The following HOMER1 variants were observed in gnomAD, a reference collection of about 807,000 sequenced individuals.
The protein encoded by HOMER1 is homer protein homolog 1.
A neutral mutation model predicts 48.9 loss-of-function variants in HOMER1; 3 were observed. The observed-to-expected ratio is 0.06, with a 90% CI of 0.03 to 0.16. The LOEUF (loss-of-function observed/expected upper bound fraction) is 0.16. HOMER1 is among the 10% of genes least tolerant of loss of function. The pLI, the probability that HOMER1 is intolerant of heterozygous loss-of-function variation, is 1.00. For synonymous variants in HOMER1, 134 were observed against 146.4 expected, an observed-to-expected ratio of 0.92 and a Z score of 0.61; for missense variants, 247 against 411.4, an observed-to-expected ratio of 0.60 and a Z score of 3.46.
chr5:79,504,314 T>C (rs927326231), intron 1 of HOMER1, among the ~76,000 whole-genome samples: 1 of 151,246 alleles, frequency 6.6e-6, no homozygotes, highest in African/African-American at 2.4e-5. Flanking sequence ...GGCAGAGTGA[T>C]TAAGCAAAGC....
In HOMER1 at chr5:79,374,612, A is replaced by C. The variant is rs1399047690; in HGVS notation, c.*1397T>G. ...CAGTTACTCAAGCATACACTTTAAA[A>C]AAGAACCCTCCTCAACATCACAGGC... is the stretch of plus-strand genomic sequence containing the variant. On this transcript the variant is annotated 3_prime_UTR_variant, in exon 9 of 9. Transcript: ENST00000334082. The C allele has an allele frequency of 6.6e-6, 1 of 151,936 alleles. No individual in the cohort carries two copies. Among genetic ancestry groups the C allele is most frequent in the African/African-American group, 2.4e-5 (1 of 41,414 alleles). 9.4% of individuals were successfully genotyped at this position (151,936 alleles called of 1,614,324 possible).
At chr5:79,480,822 T>C (rs1215814186) in intron 1 of HOMER1, among the ~76,000 whole-genome samples, 1 of 152,200 alleles carries the variant, frequency 6.6e-6, no homozygotes, top group African/African-American at 2.4e-5. Flanking sequence ...GTATCTTGTG[T>C]TAGACACAAT....
At chr5:79,491,108 A>AAAAAAC (rs1752263137) in intron 1 of HOMER1, among the ~76,000 whole-genome samples, 1 of 106,476 alleles carries the variant, frequency 9.4e-6, no homozygotes, top group Non-Finnish European at 1.8e-5. Flanking sequence ...AAAAAAAAAA[A>AAAAAAC]AAGCTTGTCA....
intron 1 of HOMER1, among the ~76,000 whole-genome samples, chr5:79,459,121 T>C (rs1361581646): frequency 6.6e-6 from 1 of 151,990 alleles, no homozygotes; most frequent in Non-Finnish European, 1.5e-5. Flanking sequence ...GTTGTTTTCA[T>C]TTGGTAGGGG....
intron 5 of HOMER1, among the ~76,000 whole-genome samples, chr5:79,406,201 T>C (rs575401136): frequency 6.6e-6 from 1 of 152,328 alleles, no homozygotes; most frequent in South Asian, 2.1e-4. Context: ...TTCAAATTCA[T>C]CCTAGCATTA....
intron 5 of HOMER1, among the ~76,000 whole-genome samples, chr5:79,405,747 G>T (rs979360302): frequency 6.6e-6 from 1 of 152,160 alleles, no homozygotes; most frequent in Non-Finnish European, 1.5e-5. Context: ...TGAAATAAGT[G>T]CAAGGCTAAC....
chr5:79,437,887 C>T (rs1166036093), intron 5 of HOMER1, among the ~76,000 whole-genome samples: 6 of 152,112 alleles, frequency 3.9e-5, no homozygotes, highest in African/African-American at 1.2e-4. Context: ...GAACTCCTGT[C>T]CTCAGGTGAT....
chr5:79,457,246 T>C (rs1751199774), intron 1 of HOMER1, among the ~76,000 whole-genome samples: 1 of 152,242 alleles, frequency 6.6e-6, no homozygotes, highest in Non-Finnish European at 1.5e-5. Flanking sequence ...TGAATTCACC[T>C]ACTCACTAAA....
intron 8 of HOMER1, among the ~76,000 whole-genome samples, chr5:79,395,535 T>C (rs6892908): frequency 0.47 from 71,675 of 152,098 alleles, 19,883 homozygotes; most frequent in African/African-American, 0.77. Flanking sequence ...AAACGGCATT[T>C]AATAGGGCCA....
intron 5 of HOMER1, among the ~76,000 whole-genome samples, chr5:79,409,195 G>A (rs919281388): frequency 1.3e-5 from 2 of 151,958 alleles, no homozygotes; most frequent in Admixed American, 1.3e-4. Flanking sequence ...CACTTTGGGA[G>A]GTCAAGGTGG....
chr5:79,378,222 CAAA>C (rs58802660), intron 8 of HOMER1, among the ~76,000 whole-genome samples: 4 of 85,554 alleles, frequency 4.7e-5, no homozygotes, highest in Non-Finnish European at 2.6e-5. Context: ...GACTCTGTCT[CAAA>C]AAAAAAAAAA....
At chr5:79,473,929 C>T (rs1363076382) in intron 1 of HOMER1, among the ~76,000 whole-genome samples, 1 of 152,078 alleles carries the variant, frequency 6.6e-6, no homozygotes, top group Non-Finnish European at 1.5e-5. Context: ...ATCCTACCAC[C>T]AGTATATCCT....
chr5:79,448,616 T>TTATA (rs1750949919), intron 3 of HOMER1, among the ~76,000 whole-genome samples: 1 of 152,182 alleles, frequency 6.6e-6, no homozygotes. Flanking sequence ...CTCCAAACCC[T>TTATA]TATAATGTTT....
At chr5:79,390,707 G>T (rs905292011) in intron 8 of HOMER1, among the ~76,000 whole-genome samples, 2 of 151,952 alleles carry the variant, frequency 1.3e-5, no homozygotes, top group Admixed American at 6.6e-5. Context: ...AGTAAATTAC[G>T]TAACATAGAA....
intron 5 of HOMER1, among the ~76,000 whole-genome samples, chr5:79,438,537 T>C (rs1033263706): frequency 2.0e-5 from 3 of 152,194 alleles, no homozygotes; most frequent in African/African-American, 7.2e-5. Context: ...CACTGTTTCC[T>C]TCTGTGAAAT....
At chr5:79,383,909 T>C (rs1052326917) in intron 8 of HOMER1, among the ~76,000 whole-genome samples, 5 of 152,100 alleles carry the variant, frequency 3.3e-5, no homozygotes, top group Non-Finnish European at 4.4e-5. Context: ...TGAGCAACCA[T>C]TGGGTCAATG....
intron 1 of HOMER1, among the ~76,000 whole-genome samples, chr5:79,503,078 C>CAT (rs1752649166): frequency 6.6e-6 from 1 of 152,120 alleles, no homozygotes; most frequent in African/African-American, 2.4e-5. Flanking sequence ...TGAGCCACTG[C>CAT]GCCCAGCCTG....
intron 1 of HOMER1, among the ~76,000 whole-genome samples, chr5:79,501,299 T>C (rs1046799774): frequency 1.2e-4 from 18 of 152,184 alleles, no homozygotes; most frequent in Non-Finnish European, 2.5e-4. Context: ...TTCTTTTCTT[T>C]AGCTTACTTT....
chr5:79,496,624 G>C (rs185790962), intron 1 of HOMER1, among the ~76,000 whole-genome samples: 1 of 152,224 alleles, frequency 6.6e-6, no homozygotes, highest in East Asian at 1.9e-4. Flanking sequence ...CCAGTGACAG[G>C]CCTCACTGAT....
Sources: allele counts gnomAD v4.1 joint callset (sites outside exome capture counted in the v4.1 genomes callset), GRCh38; gene constraint gnomAD v4.1.1; transcripts MANE v1.5; gene names NCBI Gene and HGNC (gene_info 2026-07-23, HGNC 2026-07-21).